The following PLCZ1 variants were observed in gnomAD, a reference collection of about 807,000 sequenced individuals.
The protein encoded by PLCZ1 is phospholipase C zeta 1.
A neutral mutation model predicts 76.8 loss-of-function variants in PLCZ1; 64 were observed. The observed-to-expected ratio is 0.83, with a 90% CI of 0.68 to 1.03. PLCZ1 has a LOEUF of 1.03. PLCZ1 is among the 50% of genes least tolerant of loss of function. PLCZ1 has a pLI of 0.00. For missense variants in PLCZ1, 751 were observed against 713.7 expected, an observed-to-expected ratio of 1.05 and a Z score of -0.60; for synonymous variants, 248 against 230.8, an observed-to-expected ratio of 1.07 and a Z score of -0.68.
chr12:18,735,015 G>A (rs1592303916), intron 3 of PLCZ1, among the ~76,000 whole-genome samples: 1 of 152,240 alleles, frequency 6.6e-6, no homozygotes, highest in African/African-American at 2.4e-5. Flanking sequence ...AGATAATCAT[G>A]TGATTTTTAT....
chr12:18,701,808 C>A, intron 7 of PLCZ1, 32 bp from the exon 8 acceptor site: 1 of 1,572,190 alleles, frequency 6.4e-7, no homozygotes. Context: ...TACAATTACA[C>A]ATTTACAAGT....
At chr12:18,700,796 A>C (rs1284167675) in intron 9 of PLCZ1, among the ~76,000 whole-genome samples, 1 of 152,128 alleles carries the variant, frequency 6.6e-6, no homozygotes, top group Non-Finnish European at 1.5e-5. Context: ...GTTTTGTGTC[A>C]CATGCAACCT....
chr12:18,655,218 A>T, the PLCZ1 span, among the ~76,000 whole-genome samples: 1 of 152,202 alleles, frequency 6.6e-6, no homozygotes, highest in Non-Finnish European at 1.5e-5. Flanking sequence ...TATCAGAAAC[A>T]TCAACTGCAG....
chr12:18,687,165 A>G (rs1953278699), intron 13 of PLCZ1, among the ~76,000 whole-genome samples: 1 of 152,150 alleles, frequency 6.6e-6, no homozygotes, highest in Non-Finnish European at 1.5e-5. Flanking sequence ...AGGCAATAAA[A>G]TCTTTCCAAA....
At chr12:18,737,045 C>CA (rs1959415961) in intron 2 of PLCZ1, among the ~76,000 whole-genome samples, 1 of 152,074 alleles carries the variant, frequency 6.6e-6, no homozygotes, top group Non-Finnish European at 1.5e-5. Flanking sequence ...GAGATAATGA[C>CA]AATTATCACT....
the PLCZ1 span, among the ~76,000 whole-genome samples, chr12:18,659,326 A>G: frequency 1.3e-5 from 2 of 152,142 alleles, no homozygotes; most frequent in Non-Finnish European, 2.9e-5. Flanking sequence ...GTAGTCAGAC[A>G]AAATAAGCTG....
Position 18,684,184 on chromosome 12 carries a change from C to A in PLCZ1, c.1687G>T (p.Ala563Ser), listed in dbSNP as rs749207835. Reference protein sequence around the residue: ...RFVVEGQGLIAGNEFLGQYTL... With the variant: ...RFVVEGQGLISGNEFLGQYTL... ...TATTGCCCAAGAAATTCATTTCCTG[C>A]TATTAAACCTTGACCTTCAACAACA... Residue 563 changes from alanine (A) to serine (S), a missense_variant, in exon 14 of 15, where the codon GCA (alanine) becomes TCA (serine). Physicochemically the swap from Ala to Ser is moderately conservative, Grantham distance 99. Coordinates refer to ENST00000266505, the MANE Select transcript of PLCZ1 (RefSeq NM_033123.4). 6.8e-6 allele frequency: 11 copies of A among 1,612,108 alleles called. No homozygotes were observed. In the African/African-American group the frequency reaches 1.3e-4, roughly 20 times the overall value.
chr12:18,726,276 A>G (rs1958745944), intron 3 of PLCZ1, among the ~76,000 whole-genome samples: 1 of 152,210 alleles, frequency 6.6e-6, no homozygotes, highest in South Asian at 2.1e-4. Context: ...TTTCGTATTA[A>G]TCATTAAACA....
chr12:18,655,492 T>C, the PLCZ1 span, among the ~76,000 whole-genome samples: 4 of 152,110 alleles, frequency 2.6e-5, no homozygotes, highest in African/African-American at 9.7e-5. Context: ...TGATAAAAGG[T>C]AGAACATAGC....
intron 2 of PLCZ1, among the ~76,000 whole-genome samples, chr12:18,736,925 T>C (rs570954377): frequency 4.6e-5 from 7 of 151,556 alleles, no homozygotes; most frequent in East Asian, 3.9e-4. Flanking sequence ...AGAAATACCA[T>C]GGTGAGTGTA....
intron 1 of PLCZ1, 197 bp downstream of exon 1, chr12:18,737,735 T>C: frequency 2.5e-6 from 1 of 405,964 alleles, no homozygotes; most frequent in South Asian, 2.6e-5. Context: ...GTATCTCCTT[T>C]TATTTTTTAC....
At chr12:18,729,372 C>T (rs1165937316) in intron 3 of PLCZ1, among the ~76,000 whole-genome samples, 1 of 152,012 alleles carries the variant, frequency 6.6e-6, no homozygotes, top group Non-Finnish European at 1.5e-5. Flanking sequence ...TTCTCAGATT[C>T]CCTGTATTAC....
At chr12:18,731,561 G>T (rs1207497572) in intron 3 of PLCZ1, among the ~76,000 whole-genome samples, 6 of 98,216 alleles carry the variant, frequency 6.1e-5, no homozygotes, top group Admixed American at 5.8e-4. Context: ...TTTTTTTGAC[G>T]CACAAGCCTG....
chr12:18,658,372 T>C, the PLCZ1 span, among the ~76,000 whole-genome samples: 1 of 152,066 alleles, frequency 6.6e-6, no homozygotes, highest in Non-Finnish European at 1.5e-5. Context: ...CATAACAAGA[T>C]TCACAATGAG....
At chr12:18,709,456 C>G (rs1252413678) in intron 6 of PLCZ1, among the ~76,000 whole-genome samples, 1 of 152,082 alleles carries the variant, frequency 6.6e-6, no homozygotes, top group African/African-American at 2.4e-5. Context: ...AGTGTGATGC[C>G]TCCAACTTTG....
the PLCZ1 span, among the ~76,000 whole-genome samples, chr12:18,673,320 T>C: frequency 6.6e-6 from 1 of 152,134 alleles, no homozygotes. Context: ...ATATAAGTTA[T>C]TGAAATGAAA....
At chr12:18,648,744 T>C in the PLCZ1 span, among the ~76,000 whole-genome samples, 2 of 152,036 alleles carry the variant, frequency 1.3e-5, no homozygotes, top group Non-Finnish European at 2.9e-5. Context: ...TCTGTGCACA[T>C]TATTTTCCTG....
In PLCZ1 at chr12:18,684,163, G is replaced by T. The variant is rs1440335704; in HGVS notation, c.1708C>A (p.Gln570Lys). The T allele has an allele frequency of 3.1e-6, 5 of 1,611,812 alleles. No homozygotes were observed. Among genetic ancestry groups the T allele is most frequent in the Non-Finnish European group, 4.2e-6 (5 of 1,178,776 alleles). Reference sequence around the variant, plus strand: ...ATGCATAGAAGTGGCAAAGTATATTGCCCAAGAAATTCATTTCCTGCTATT... The same window carrying T: ...ATGCATAGAAGTGGCAAAGTATATTTCCCAAGAAATTCATTTCCTGCTATT... ...GLIAGNEFLGQYTLPLLCMNK... is the reference protein window; with the variant it reads ...GLIAGNEFLGKYTLPLLCMNK... The change falls in exon 14 of 15, where the codon CAA (glutamine) becomes AAA (lysine). Residue 570 changes from glutamine (Q) to lysine (K), a missense_variant. Transcript: ENST00000266505.
At chr12:18,648,014 A>G in the PLCZ1 span, 1 of 1,594,678 alleles carries the variant, frequency 6.3e-7, no homozygotes, top group African/African-American at 1.3e-5. Context: ...TCCATTAGGA[A>G]ACAGTATAAT....
Sources: gnomAD v4.1 joint callset for allele counts (sites outside exome capture counted in the v4.1 genomes callset) on GRCh38, gnomAD v4.1.1 for gene constraint, MANE v1.5 for transcripts, NCBI Gene and HGNC (gene_info 2026-07-23, HGNC 2026-07-21) for gene names.